The following NFKBID variants were observed in gnomAD, a reference collection of about 807,000 sequenced individuals.
NFKBID encodes NF-kappa-B inhibitor delta.
NFKBID carries 26 observed loss-of-function variants against 53.4 expected under a neutral mutation model. The observed-to-expected ratio is 0.49, with a 90% CI of 0.36 to 0.68. NFKBID has a LOEUF of 0.68. Ranked by LOEUF, NFKBID falls within the 30% of genes least tolerant of loss-of-function variation. The pLI is 0.00. For synonymous variants in NFKBID, 262 were observed against 259.8 expected (o/e 1.01, Z -0.08); for missense variants, 493 against 614.1 (o/e 0.80, Z 2.08).
At chr19:35,895,953 G>T (rs775503083) in intron 9 of NFKBID, 27 bp downstream of exon 9, 1 of 1,601,382 alleles carries the variant, frequency 6.2e-7, no homozygotes, top group South Asian at 1.1e-5. Flanking sequence ...AATCTCCCAG[G>T]GTCTGACCGC....
exon 11 of NFKBID, chr19:35,889,938 C>A: frequency 6.2e-7 from 1 of 1,611,946 alleles, no homozygotes; most frequent in Non-Finnish European, 8.5e-7. Flanking sequence ...GCTGCTCATT[C>A]TCCAGGTTGC....
intron 9 of NFKBID, among the ~76,000 whole-genome samples, chr19:35,893,324 C>A (rs1568488307): frequency 6.6e-6 from 1 of 152,196 alleles, no homozygotes; most frequent in Non-Finnish European, 1.5e-5. Context: ...CTTAGCTCTA[C>A]TTTGCAACCA....
exon 11 of NFKBID, chr19:35,890,004 C>G (rs28612528): frequency 6.2e-7 from 1 of 1,608,896 alleles, no homozygotes. Flanking sequence ...CCTCCTGGGC[C>G]GGCCCAGGGG....
intron 11 of NFKBID, among the ~76,000 whole-genome samples, 175 bp downstream of exon 11, chr19:35,889,715 G>C (rs1974619011): frequency 3.9e-5 from 6 of 152,148 alleles, no homozygotes; most frequent in African/African-American, 1.4e-4. Context: ...CTGGGGTAAA[G>C]GATGAAACAC....
chr19:35,900,834 T>C (rs1425160635), upstream of NFKBID, among the ~76,000 whole-genome samples: 66 of 142,724 alleles, frequency 4.6e-4, no homozygotes, highest in African/African-American at 1.6e-3. Flanking sequence ...TTTCTTTTTT[T>C]TTTTTTTTTT....
At position 35,896,813 on chromosome 19, in the gene NFKBID, CG is replaced by C; in HGVS notation, c.596del (p.Ala199GlyfsTer43). 6.2e-7 allele frequency: 1 copy of C among 1,614,096 alleles called. No individual in the cohort carries two copies. The highest frequency in any genetic ancestry group is 8.5e-7 in the Non-Finnish European group (1 of 1,179,966). Reference sequence around the variant, plus strand: ...ATGCCGCCCAGCGCAGCCCCCGAGCCGCAAACAGGTGAAGGAGCCTGAGGAC... The same window carrying C: ...ATGCCGCCCAGCGCAGCCCCCGAGCCCAAACAGGTGAAGGAGCCTGAGGAC... On this transcript the variant is annotated frameshift_variant, in exon 6 of 12. Transcript: ENST00000641389. LOFTEE classifies it high-confidence loss of function. The surrounding 1 kb of genome is among the most constrained non-coding windows in gnomAD (Gnocchi z 5.7).
In NFKBID at chr19:35,889,871, AG is replaced by A. The variant is rs775740411; in HGVS notation, c.1314+18del. 8 of 1,591,776 alleles carry A rather than the reference AG, an allele frequency of 5.0e-6. No homozygotes were observed. In the Admixed American group the frequency reaches 6.8e-5, roughly 14 times the overall value. ...CGAGCTCAGAGGCCACTCTACAGGCAGGCTCAGTGCTTACTTACCCCCTCAG... is the reference window on the plus strand; with the variant it reads ...CGAGCTCAGAGGCCACTCTACAGGCAGCTCAGTGCTTACTTACCCCCTCAG... On this transcript the variant is annotated intron_variant, in intron 11 of 11. Coordinates refer to ENST00000641389, the Ensembl canonical transcript of NFKBID.
At chr19:35,897,950 G>A (rs1419813891) in intron 3 of NFKBID, 94 bp from the exon 4 acceptor site, 7 of 828,016 alleles carry the variant, frequency 8.5e-6, no homozygotes, top group Middle Eastern at 3.5e-4. Flanking sequence ...CCAAGGTACT[G>A]AGAGTTAGTA....
At position 35,896,657 on chromosome 19, in the gene NFKBID, G is replaced by C. The variant is rs1975179688; in HGVS notation, c.684+69C>G. 6.5e-7 allele frequency: 1 copy of C among 1,539,956 alleles called. No individual in the cohort carries two copies. Among genetic ancestry groups the C allele is most frequent in the African/African-American group, 1.4e-5 (1 of 72,926 alleles). The stretch of plus-strand genomic sequence containing the variant: ...CACCCCCCATTCCCCTCTTCTCTAG[G>C]ATCCAGGGGTCCAGGCCCCAGGCTC... On this transcript the variant is annotated intron_variant, in intron 6 of 11. Transcript: ENST00000641389. The surrounding 1 kb of genome is among the most constrained non-coding windows in gnomAD (Gnocchi z 5.7).
intron 9 of NFKBID, among the ~76,000 whole-genome samples, chr19:35,891,340 C>T (rs1013406268): frequency 6.6e-6 from 1 of 152,124 alleles, no homozygotes; most frequent in Non-Finnish European, 1.5e-5. Context: ...CAGGGCAAAA[C>T]CACCTAGTTT....
rs1024532160 is a variant in NFKBID, at chr19:35,890,815, G to A, written c.1033-325C>T. 6 of 369,846 alleles carry A rather than the reference G, an allele frequency of 1.6e-5. No individual in the cohort carries two copies. The East Asian group carries it at 2.7e-4, about 17-fold the overall frequency. 22.9% of individuals were successfully genotyped at this position (369,846 alleles called of 1,614,324 possible). On this transcript the variant is annotated intron_variant, in intron 9 of 11. Coordinates refer to ENST00000641389, the Ensembl canonical transcript of NFKBID. Reference sequence around the variant, plus strand: ...GGAGTTCACGGCTGCAGTGGGCCATGACCACACCACTGCACTCCAGCATGG... The same window carrying A: ...GGAGTTCACGGCTGCAGTGGGCCATAACCACACCACTGCACTCCAGCATGG...
At chr19:35,898,351 A>G (rs58482332) in intron 3 of NFKBID, 121 bp downstream of exon 3, 14 of 227,124 alleles carry the variant, frequency 6.2e-5, no homozygotes, top group Non-Finnish European at 1.1e-4. Flanking sequence ...CCTGTCTCAG[A>G]AAAAAAAAAA....
At chr19:35,895,467 G>A (rs567767225) in intron 9 of NFKBID, among the ~76,000 whole-genome samples, 8 of 150,692 alleles carry the variant, frequency 5.3e-5, no homozygotes, top group South Asian at 4.2e-4. Flanking sequence ...TAGCCTGGGC[G>A]ACAGAGTGAG....
chr19:35,897,133 G>A (rs1975233380), intron 4 of NFKBID, 75 bp from the exon 5 acceptor site: 1 of 1,493,260 alleles, frequency 6.7e-7, no homozygotes, highest in Non-Finnish European at 9.0e-7. Context: ...GGGAGACCCA[G>A]TCAGCTGAGA....
At chr19:35,897,956 T>C in intron 3 of NFKBID, 100 bp from the exon 4 acceptor site, 2 of 791,458 alleles carry the variant, frequency 2.5e-6, no homozygotes, top group Non-Finnish European at 4.1e-6. Flanking sequence ...TACTGAGAGT[T>C]AGTACTTCTG....
At chr19:35,899,265 G>A (rs546200365) in intron 1 of NFKBID, among the ~76,000 whole-genome samples, 67 of 152,092 alleles carry the variant, frequency 4.4e-4, no homozygotes, top group African/African-American at 1.5e-3. Context: ...AGTCCCCAGC[G>A]CCCCTCCTCG....
chr19:35,900,483 C>T (rs1462313368), exon 1 of NFKBID: 13 of 1,231,808 alleles, frequency 1.1e-5, no homozygotes, highest in African/African-American at 6.2e-5. Context: ...CCCAGGGCCG[C>T]GGCCTCGGCG....
intron 9 of NFKBID, among the ~76,000 whole-genome samples, chr19:35,892,056 T>C (rs1974805343): frequency 6.6e-6 from 1 of 151,504 alleles, no homozygotes; most frequent in Non-Finnish European, 1.5e-5. Context: ...ATTATTGTTG[T>C]TGTTGTTGTT....
intron 9 of NFKBID, among the ~76,000 whole-genome samples, chr19:35,894,532 C>A (rs914414321): frequency 2.0e-5 from 3 of 151,790 alleles, no homozygotes; most frequent in East Asian, 2.0e-4. Context: ...CATAGTTAGA[C>A]CCCACCTTAC....
Sources: allele counts gnomAD v4.1 joint callset (sites outside exome capture counted in the v4.1 genomes callset), GRCh38; gene constraint gnomAD v4.1.1; non-coding constraint Gnocchi (gnomAD v3.1); transcripts MANE v1.5; gene names NCBI Gene and HGNC (gene_info 2026-07-23, HGNC 2026-07-21).